Variants in PIK3C2A observed in about 807,000 individuals in gnomAD.
The protein encoded by PIK3C2A is phosphatidylinositol 4-phosphate 3-kinase C2 domain-containing subunit alpha.
PIK3C2A carries 97 observed loss-of-function variants against 204.5 expected under a neutral mutation model. The ratio of observed to expected loss-of-function variants is 0.47; its 90% confidence interval spans 0.40 to 0.56. The LOEUF (loss-of-function observed/expected upper bound fraction) is 0.56, where lower values mean the gene tolerates loss of function less well. Among genes scored for constraint, PIK3C2A ranks in the 20% least tolerant of loss-of-function variants. The pLI, the probability that PIK3C2A is intolerant of heterozygous loss-of-function variation, is 0.00. For missense variants in PIK3C2A, 1,735 were observed against 1,969.2 expected (o/e 0.88, Z 2.25); for synonymous variants, 653 against 664.4 (o/e 0.98, Z 0.26).
At chr11:17,106,992 T>G (rs1234091936) in intron 22 of PIK3C2A, among the ~76,000 whole-genome samples, 2 of 152,188 alleles carry the variant, frequency 1.3e-5, no homozygotes, top group African/African-American at 4.8e-5. Context: ...CTGAACAAAT[T>G]GTTTTTTGTT....
intron 2 of PIK3C2A, among the ~76,000 whole-genome samples, chr11:17,160,744 A>G (rs1021692610): frequency 2.0e-5 from 3 of 152,016 alleles, no homozygotes; most frequent in Non-Finnish European, 2.9e-5. Flanking sequence ...GGATGGCTCG[A>G]ACCCAGGAGA....
intron 19 of PIK3C2A, 143 bp from the exon 20 acceptor site, chr11:17,114,608 T>G (rs1441562043): frequency 2.0e-6 from 1 of 502,676 alleles, no homozygotes; most frequent in Non-Finnish European, 3.6e-6. Context: ...AGTTAATTTT[T>G]ACTATAAAAC....
At chr11:17,116,706 C>A (rs945655555) in intron 19 of PIK3C2A, among the ~76,000 whole-genome samples, 1 of 152,064 alleles carries the variant, frequency 6.6e-6, no homozygotes, top group Admixed American at 6.6e-5. Context: ...TCTCCTGCCT[C>A]AGCCTCCCGA....
intron 26 of PIK3C2A, among the ~76,000 whole-genome samples, chr11:17,098,136 G>A (rs1395283792): frequency 6.6e-6 from 1 of 152,174 alleles, no homozygotes; most frequent in African/African-American, 2.4e-5. Context: ...AAGGAAGCTA[G>A]AAAGAAGAAG....
At chr11:17,157,425 A>G (rs201985423) in intron 2 of PIK3C2A, among the ~76,000 whole-genome samples, 2 of 141,184 alleles carry the variant, frequency 1.4e-5, no homozygotes, top group African/African-American at 5.4e-5. Flanking sequence ...GTGCCACTGC[A>G]CTCCAGCCTG....
At chr11:17,095,260 T>C (rs955761963) in intron 27 of PIK3C2A, among the ~76,000 whole-genome samples, 4 of 150,696 alleles carry the variant, frequency 2.7e-5, no homozygotes, top group Non-Finnish European at 4.4e-5. Context: ...AGCGAGACCG[T>C]TTCTCAAAAA....
Position 17,145,934 on chromosome 11 carries a change from A to G in PIK3C2A, c.1569T>C (p.Asp523=). The change falls in exon 7 of 33, where the codon GAT becomes GAC. Residue 523 remains aspartate, a synonymous_variant. Transcript: ENST00000691414. ...MCQNLARTAE[D]DETPVDLNKH... ...TGTTTAAATCCACGGGTGTTTCATC[A>G]TCTTCTGCCTAAACAAACACATATA... is the stretch of plus-strand genomic sequence containing the variant. 6.2e-7 allele frequency: 1 copy of G among 1,612,810 alleles called. No homozygotes were observed. Among genetic ancestry groups the G allele is most frequent in the Non-Finnish European group, 8.5e-7 (1 of 1,179,414 alleles).
chr11:17,097,591 G>T (rs1284861302), intron 26 of PIK3C2A, among the ~76,000 whole-genome samples: 1 of 152,174 alleles, frequency 6.6e-6, no homozygotes, highest in Non-Finnish European at 1.5e-5. Context: ...TTTTAATAAA[G>T]GAGAAAGATG....
At chr11:17,105,080 G>A in intron 23 of PIK3C2A, 89 bp downstream of exon 23, 2 of 937,688 alleles carry the variant, frequency 2.1e-6, no homozygotes, top group East Asian at 5.0e-5. Context: ...ATGACTATTT[G>A]GTCACCAGAG....
Position 17,088,132 on chromosome 11 carries a change from A to G in PIK3C2A, c.*1606T>C, listed in dbSNP as rs1396136648. 1.3e-5 allele frequency: 2 copies of G among 151,926 alleles called. No homozygotes were observed. The highest frequency in any genetic ancestry group is 6.6e-5 in the Admixed American group (1 of 15,214). 9.4% of individuals were successfully genotyped at this position (151,926 alleles called of 1,614,324 possible). A position where few individuals can be genotyped will look rare whatever the true frequency, so the allele number is the denominator to read the frequency against. ...CCTGATTGGTACAATTTCTATTACC[A>G]TTTTTAAAGTATCTGTATTTCTATT... On this transcript the variant is annotated 3_prime_UTR_variant, in exon 33 of 33. Transcript: ENST00000691414.
intron 14 of PIK3C2A, 100 bp downstream of exon 14, chr11:17,122,602 C>A: frequency 1.5e-6 from 1 of 673,002 alleles, no homozygotes; most frequent in Non-Finnish European, 2.6e-6. Flanking sequence ...AAAACAAGAT[C>A]AGTTAGGTTT....
At chr11:17,143,459 C>T (rs574016707) in intron 8 of PIK3C2A, among the ~76,000 whole-genome samples, 2 of 152,150 alleles carry the variant, frequency 1.3e-5, no homozygotes, top group Admixed American at 6.5e-5. Context: ...TCACCCAACC[C>T]ACCCTAGGCT....
Position 17,134,869 on chromosome 11 carries a change from G to C in PIK3C2A, c.2058C>G (p.Leu686=), listed in dbSNP as rs1448929268. The part of the protein sequence containing the change: ...VKEAWTTTEQ[L]QFTIFAAHGI... ...CATGAGCAGCAAAAATAGTAAACTG[G>C]AGCTGCTCTGTTGTAGTCCATGCTT... The change falls in exon 11 of 33, where the codon CTC becomes CTG. Residue 686 remains leucine, a synonymous_variant. Transcript: ENST00000691414. 6.2e-7 allele frequency: 1 copy of C among 1,614,072 alleles called. No homozygotes were observed. Among genetic ancestry groups the C allele is most frequent in the Admixed American group, 1.7e-5 (1 of 60,012 alleles).
At chr11:17,184,260 T>C (rs1184803525) in intron 1 of PIK3C2A, among the ~76,000 whole-genome samples, 4 of 150,360 alleles carry the variant, frequency 2.7e-5, no homozygotes, top group African/African-American at 7.3e-5. Context: ...CAGCCTCAAG[T>C]AGGTCCTTCA....
intron 22 of PIK3C2A, among the ~76,000 whole-genome samples, chr11:17,105,510 T>C (rs1169056092): frequency 6.6e-6 from 1 of 152,216 alleles, no homozygotes; most frequent in Non-Finnish European, 1.5e-5. Context: ...AAGCCCCGCA[T>C]ACATTAGGTA....
intron 1 of PIK3C2A, among the ~76,000 whole-genome samples, chr11:17,203,375 A>G (rs528497306): frequency 6.6e-6 from 1 of 152,206 alleles, no homozygotes; most frequent in African/African-American, 2.4e-5. Flanking sequence ...CATACTGTAG[A>G]AAAAAAGGAT....
chr11:17,099,783 C>T (rs1267442010), intron 26 of PIK3C2A, 77 bp downstream of exon 26: 5 of 677,974 alleles, frequency 7.4e-6, no homozygotes, highest in Non-Finnish European at 1.3e-5. Flanking sequence ...TGATAAATAG[C>T]ATTTGTTTAA....
intron 1 of PIK3C2A, among the ~76,000 whole-genome samples, chr11:17,180,463 ATCTT>A (rs1372274600): frequency 2.6e-5 from 4 of 152,096 alleles, no homozygotes; most frequent in Admixed American, 6.6e-5. Flanking sequence ...CAAAGAGCTA[ATCTT>A]TCTAATACAT....
chr11:17,166,153 A>G (rs1444871404), intron 2 of PIK3C2A, among the ~76,000 whole-genome samples: 1 of 152,140 alleles, frequency 6.6e-6, no homozygotes, highest in African/African-American at 2.4e-5. Context: ...ACTTCTTTAC[A>G]TCTCAGTTTC....
Sources: gnomAD v4.1 joint callset for allele counts (sites outside exome capture counted in the v4.1 genomes callset) on GRCh38, gnomAD v4.1.1 for gene constraint, MANE v1.5 for transcripts, NCBI Gene and HGNC (gene_info 2026-07-23, HGNC 2026-07-21) for gene names.